NALF1: variants seen among roughly 807,000 people sequenced by gnomAD.
The protein encoded by NALF1 is family with sequence similarity 155 member A.
Under a neutral mutation model 48.4 loss-of-function variants are expected in NALF1, and 3 were observed. The ratio of observed to expected loss-of-function variants is 0.06; its 90% CI spans 0.03 to 0.16. The LOEUF (loss-of-function observed/expected upper bound fraction) is 0.16, where lower values mean the gene tolerates loss of function less well. Among genes scored for constraint, NALF1 ranks in the 10% least tolerant of loss-of-function variants. The probability of loss-of-function intolerance (pLI) is 1.00; values close to 1 mark genes in which losing one functional copy is unlikely to be tolerated. For missense variants in NALF1, 526 were observed against 571.5 expected, an observed-to-expected ratio of 0.92 and a Z score of 0.81; for synonymous variants, 262 against 245.7, an observed-to-expected ratio of 1.07 and a Z score of -0.62.
intron 1 of NALF1, among the ~76,000 whole-genome samples, chr13:107,491,734 T>C (rs1875127834): frequency 6.6e-6 from 1 of 152,098 alleles, no homozygotes; most frequent in Non-Finnish European, 1.5e-5. Flanking sequence ...CCACCAACAC[T>C]CTCGCTCTTT....
chr13:107,353,260 T>A (rs1464213657), intron 1 of NALF1, among the ~76,000 whole-genome samples: 2 of 152,238 alleles, frequency 1.3e-5, no homozygotes. Context: ...TTGTATCCCT[T>A]TTCTTCTATG....
At chr13:107,764,769 A>G (rs1273212009) in intron 1 of NALF1, among the ~76,000 whole-genome samples, 1 of 152,162 alleles carries the variant, frequency 6.6e-6, no homozygotes, top group Non-Finnish European at 1.5e-5. Context: ...ATGTCCAGTG[A>G]TGGATTGGGA....
At chr13:107,209,507 AAAAAG>A (rs1235770418) in intron 2 of NALF1, among the ~76,000 whole-genome samples, 1 of 152,162 alleles carries the variant, frequency 6.6e-6, no homozygotes, top group Non-Finnish European at 1.5e-5. Flanking sequence ...TCAAAAAAAA[AAAAAG>A]AAAGAAATAC....
intron 1 of NALF1, among the ~76,000 whole-genome samples, chr13:107,594,590 C>A (rs928205651): frequency 3.3e-5 from 5 of 151,980 alleles, no homozygotes; most frequent in African/African-American, 1.2e-4. Flanking sequence ...AAAACAAATA[C>A]TCCACCCAAT....
intron 1 of NALF1, among the ~76,000 whole-genome samples, chr13:107,361,465 C>T (rs988602094): frequency 4.6e-5 from 7 of 151,126 alleles, no homozygotes; most frequent in African/African-American, 1.7e-4. Context: ...ACATTCAAGG[C>T]AAAAGGACTG....
At chr13:107,174,934 A>T (rs1346357945) in intron 2 of NALF1, among the ~76,000 whole-genome samples, 1 of 150,216 alleles carries the variant, frequency 6.7e-6, no homozygotes, top group African/African-American at 2.5e-5. Flanking sequence ...CCCAGGCTGG[A>T]GTGCAGCGGC....
intron 1 of NALF1, among the ~76,000 whole-genome samples, chr13:107,483,687 C>T (rs1010005780): frequency 2.0e-5 from 3 of 151,920 alleles, no homozygotes; most frequent in African/African-American, 7.2e-5. Flanking sequence ...ATAAGATTTA[C>T]AGAGAGAGGA....
chr13:107,742,312 G>A lies in NALF1; in HGVS notation c.915+123370C>T, dbSNP rs545037854. The stretch of plus-strand genomic sequence containing the variant: ...ACCTACCTACAGTGAACATCTCTCT[G>A]TTCAAGTTTGTTATGGTTTGGCTGT... On this transcript the variant is annotated intron_variant, in intron 1 of 2. Transcript: ENST00000375915. Among the ~76,000 whole-genome samples the A allele has an allele frequency of 2.6e-5, 4 of 152,288 alleles. No individual in the cohort carries two copies. In the South Asian group the frequency reaches 8.3e-4, roughly 32 times the overall value.
chr13:107,326,564 T>C (rs1882368946), intron 1 of NALF1, among the ~76,000 whole-genome samples: 2 of 152,190 alleles, frequency 1.3e-5, no homozygotes, highest in South Asian at 2.1e-4. Context: ...GCCAGTAGAT[T>C]AGTCCAGATT....
intron 1 of NALF1, among the ~76,000 whole-genome samples, chr13:107,851,805 C>CTTTTTTTTTTTTTTTTTTTT (rs34999908): frequency 1.9e-5 from 2 of 104,734 alleles, no homozygotes; most frequent in Non-Finnish European, 1.9e-5. Flanking sequence ...CAGGCCCTTT[C>CTTTTTTTTTTTTTTTTTTTT]TTTTTTTTTT....
chr13:107,204,344 C>G (rs1181029495), intron 2 of NALF1, among the ~76,000 whole-genome samples: 6 of 152,248 alleles, frequency 3.9e-5, no homozygotes, highest in Non-Finnish European at 5.9e-5. Flanking sequence ...TAGCTCGGGC[C>G]TCTGCTGTCA....
chr13:107,204,630 C>G (rs1879596188), intron 2 of NALF1, among the ~76,000 whole-genome samples: 1 of 152,174 alleles, frequency 6.6e-6, no homozygotes, highest in Admixed American at 6.5e-5. Flanking sequence ...AAATAAACCT[C>G]AAAAAGTACA....
Position 107,804,227 on chromosome 13 carries a change from C to G in NALF1, c.915+61455G>C, listed in dbSNP as rs140663632. 1.3e-4 allele frequency among the ~76,000 whole-genome samples: 20 copies of G among 152,290 alleles called. 1 individual carries two copies. In the East Asian group the frequency reaches 3.9e-3, roughly 29 times the overall value. On this transcript the variant is annotated intron_variant, in intron 1 of 2. Transcript: ENST00000375915. Reference sequence around the variant, plus strand: ...GAAAGGCGCAATTTGTCTTCAAGACCTTGTTCACGCCCATCTTCTGTCTGG... The same window carrying G: ...GAAAGGCGCAATTTGTCTTCAAGACGTTGTTCACGCCCATCTTCTGTCTGG...
chr13:107,217,603 A>G (rs1242095840), intron 1 of NALF1, among the ~76,000 whole-genome samples: 1 of 151,950 alleles, frequency 6.6e-6, no homozygotes, highest in Non-Finnish European at 1.5e-5. Context: ...CTCAAGCACT[A>G]CAAACTCTAA....
intron 1 of NALF1, among the ~76,000 whole-genome samples, chr13:107,378,028 C>G (rs550947382): frequency 6.6e-6 from 1 of 152,120 alleles, no homozygotes; most frequent in Admixed American, 6.6e-5. Flanking sequence ...GCTAAAATGC[C>G]ATCTCATCCT....
At chr13:107,620,959 A>G (rs986720091) in intron 1 of NALF1, among the ~76,000 whole-genome samples, 2 of 152,084 alleles carry the variant, frequency 1.3e-5, no homozygotes, top group African/African-American at 4.8e-5. Flanking sequence ...ACTAGAAGTA[A>G]TCATTTCTAC....
Position 107,181,989 on chromosome 13 carries a change from TA to T in NALF1, c.1088-11204del, listed in dbSNP as rs1230448697. 5.3e-5 allele frequency among the ~76,000 whole-genome samples: 8 copies of T among 152,168 alleles called. No individual in the cohort carries two copies. In the East Asian group the frequency reaches 1.5e-3, roughly 29 times the overall value. On this transcript the variant is annotated intron_variant, in intron 2 of 2. Coordinates refer to ENST00000375915, the MANE Select transcript of NALF1 (RefSeq NM_001080396.3). ...ATCTTTGTCCATTATTTTAATTTTT[TA>T]AATTTTTTTCCATAATTTTTCTTTA...
At chr13:107,808,009 C>T (rs1878857950) in intron 1 of NALF1, among the ~76,000 whole-genome samples, 1 of 151,708 alleles carries the variant, frequency 6.6e-6, no homozygotes, top group Non-Finnish European at 1.5e-5. Context: ...GAGTGTGTTC[C>T]AGGAGGTAAA....
At chr13:107,296,911 C>A (rs963169094) in intron 1 of NALF1, among the ~76,000 whole-genome samples, 1 of 152,054 alleles carries the variant, frequency 6.6e-6, no homozygotes, top group Non-Finnish European at 1.5e-5. Flanking sequence ...TTACTGGGAG[C>A]AGCTGTCATC....
Sources: gnomAD v4.1 joint callset for allele counts (sites outside exome capture counted in the v4.1 genomes callset) on GRCh38, gnomAD v4.1.1 for gene constraint, MANE v1.5 for transcripts, NCBI Gene and HGNC (gene_info 2026-07-23, HGNC 2026-07-21) for gene names.